The following ME3 variants were observed in gnomAD, a reference collection of about 807,000 sequenced individuals.
ME3 encodes NADP-dependent malic enzyme, mitochondrial.
Under a neutral mutation model 68.9 loss-of-function variants are expected in ME3, and 48 were observed. The observed-to-expected ratio is 0.70, with a 90% CI of 0.55 to 0.89. The LOEUF (loss-of-function observed/expected upper bound fraction) is 0.89, where lower values mean the gene tolerates loss of function less well. Ranked by LOEUF, ME3 falls within the 40% of genes least tolerant of loss-of-function variation. ME3 has a pLI of 0.00. For synonymous variants in ME3, 320 were observed against 318.8 expected (o/e 1.00, Z -0.04); for missense variants, 675 against 797.4 (o/e 0.85, Z 1.85).
At chr11:86,652,290 T>C (rs1351586441) in intron 2 of ME3, among the ~76,000 whole-genome samples, 1 of 152,014 alleles carries the variant, frequency 6.6e-6, no homozygotes, top group African/African-American at 2.4e-5. Flanking sequence ...GACACATAAT[T>C]GTCAGATTCA....
intron 4 of ME3, among the ~76,000 whole-genome samples, chr11:86,527,030 G>A (rs1345296418): frequency 1.3e-5 from 2 of 152,244 alleles, no homozygotes; most frequent in African/African-American, 4.8e-5. Context: ...ACTTTGACAG[G>A]TTGAGAGAAG....
chr11:86,447,757 C>G (rs1949393149), intron 11 of ME3, among the ~76,000 whole-genome samples: 1 of 150,882 alleles, frequency 6.6e-6, no homozygotes, highest in Non-Finnish European at 1.5e-5. Context: ...ACTTGGGAGG[C>G]TGAGGCAGGA....
At chr11:86,585,073 G>T (rs1565173193) in intron 2 of ME3, among the ~76,000 whole-genome samples, 1 of 152,138 alleles carries the variant, frequency 6.6e-6, no homozygotes, top group African/African-American at 2.4e-5. Flanking sequence ...AGCTTTCTAG[G>T]CAAAGAAACA....
intron 7 of ME3, among the ~76,000 whole-genome samples, chr11:86,468,552 A>G (rs999056152): frequency 6.6e-5 from 10 of 152,246 alleles, no homozygotes; most frequent in South Asian, 2.1e-4. Flanking sequence ...GATTGGATCT[A>G]TGAAGGAGTT....
intron 8 of ME3, chr11:86,457,334 T>G (rs541935206): frequency 5.2e-6 from 1 of 190,500 alleles, no homozygotes; most frequent in African/African-American, 2.4e-5. Flanking sequence ...TTGGTCCCCA[T>G]GAAACCCAGT....
intron 6 of ME3, among the ~76,000 whole-genome samples, chr11:86,492,260 G>T (rs2138971167): frequency 6.6e-6 from 1 of 152,322 alleles, no homozygotes; most frequent in South Asian, 2.1e-4. Flanking sequence ...GTACAGTGAT[G>T]GCACACATAA....
At chr11:86,446,210 T>C in intron 13 of ME3, 104 bp downstream of exon 13, 3 of 1,352,340 alleles carry the variant, frequency 2.2e-6, no homozygotes, top group Middle Eastern at 2.6e-4. Flanking sequence ...CCACTGGCAA[T>C]GTTGGGGCAG....
At chr11:86,672,211 G>A (rs989079975) in intron 1 of ME3, 113 bp downstream of exon 1, 12 of 409,722 alleles carry the variant, frequency 2.9e-5, no homozygotes, top group Non-Finnish European at 5.1e-5. Context: ...GGTGACAGCC[G>A]GCGCCACCCC....
At chr11:86,523,712 A>C (rs544780175) in intron 4 of ME3, among the ~76,000 whole-genome samples, 91 of 152,284 alleles carry the variant, frequency 6.0e-4, no homozygotes, top group Non-Finnish European at 1.2e-3. Context: ...ATTTTCACTA[A>C]AAATCGTGAG....
At chr11:86,609,564 C>A (rs1942409364) in intron 2 of ME3, among the ~76,000 whole-genome samples, 1 of 152,108 alleles carries the variant, frequency 6.6e-6, no homozygotes, top group Non-Finnish European at 1.5e-5. Flanking sequence ...CATAAGTGTG[C>A]ATATATGTAT....
At chr11:86,607,034 C>T (rs1244611332) in intron 2 of ME3, among the ~76,000 whole-genome samples, 1 of 152,164 alleles carries the variant, frequency 6.6e-6, no homozygotes, top group Non-Finnish European at 1.5e-5. Flanking sequence ...TTCATTGACA[C>T]ATTGTGGGTT....
chr11:86,446,293 A>T, intron 13 of ME3, 21 bp downstream of exon 13: 1 of 1,612,802 alleles, frequency 6.2e-7, no homozygotes, highest in Non-Finnish European at 8.5e-7. Context: ...CAAGCATTTG[A>T]GGGAGCAAGG....
At chr11:86,440,081 CCAT>C (rs1948929020), downstream of ME3, among the ~76,000 whole-genome samples, 1 of 152,190 alleles carries the variant, frequency 6.6e-6, no homozygotes, top group Non-Finnish European at 1.5e-5. Flanking sequence ...GTCTAATAGT[CCAT>C]CTAGCCTGTC....
rs117133531 is a variant in ME3, at chr11:86,607,317, A to G, written c.184-47494T>C. Among the ~76,000 whole-genome samples the G allele has an allele frequency of 3.1e-3, 475 of 152,096 alleles. 1 individual carries two copies. The highest frequency in any genetic ancestry group is 0.014 in the Middle Eastern group (4 of 294). ...GCGGGGCTGAACTTTAACTCCTCTC[A>G]TCCTTCAATGTTCTCAGGCATGCAA... On this transcript the variant is annotated intron_variant, in intron 2 of 14. Coordinates refer to ENST00000543262, the Ensembl canonical transcript of ME3.
intron 2 of ME3, among the ~76,000 whole-genome samples, chr11:86,579,694 A>G (rs953284541): frequency 6.6e-5 from 10 of 152,168 alleles, no homozygotes; most frequent in Non-Finnish European, 1.5e-4. Flanking sequence ...CTCTATCCTC[A>G]ATCCATTCTA....
intron 4 of ME3, among the ~76,000 whole-genome samples, chr11:86,522,269 CAAACAAA>C (rs1275901448): frequency 1.3e-4 from 17 of 133,692 alleles, no homozygotes; most frequent in African/African-American, 4.9e-4. Flanking sequence ...AACAAACAAA[CAAACAAA>C]AAACCAGATT....
chr11:86,658,676 G>C (rs975204363), intron 2 of ME3, among the ~76,000 whole-genome samples: 1 of 152,016 alleles, frequency 6.6e-6, no homozygotes, highest in African/African-American at 2.4e-5. Context: ...CCAGAGGCAG[G>C]ACTGCCCCTC....
intron 6 of ME3, among the ~76,000 whole-genome samples, chr11:86,489,716 C>T (rs1020447405): frequency 1.3e-5 from 2 of 152,106 alleles, no homozygotes; most frequent in African/African-American, 2.4e-5. Flanking sequence ...TCCCTGGGCT[C>T]TCTTACTCAG....
chr11:86,438,611 G>C (rs956068421), downstream of ME3, among the ~76,000 whole-genome samples: 1 of 151,840 alleles, frequency 6.6e-6, no homozygotes, highest in Non-Finnish European at 1.5e-5. Flanking sequence ...TTTTTCTTGG[G>C]GGAAAGATTT....
Sources: gnomAD v4.1 joint callset for allele counts (sites outside exome capture counted in the v4.1 genomes callset) on GRCh38, gnomAD v4.1.1 for gene constraint, MANE v1.5 for transcripts, NCBI Gene and HGNC (gene_info 2026-07-23, HGNC 2026-07-21) for gene names.